TAF4B: variants seen among roughly 807,000 people sequenced by gnomAD.
The protein encoded by TAF4B is TATA-box binding protein associated factor 4b, also known as transcription initiation factor TFIID subunit 4B.
TAF4B carries 38 observed loss-of-function variants against 86.4 expected under a neutral mutation model. The observed-to-expected ratio is 0.44, with a 90% CI of 0.34 to 0.58. The LOEUF is 0.58. TAF4B is among the 20% of genes least tolerant of loss of function. TAF4B has a pLI of 0.02. For missense variants in TAF4B, 988 were observed against 1,027.6 expected, an observed-to-expected ratio of 0.96 and a Z score of 0.53; for synonymous variants, 388 against 391.2, an observed-to-expected ratio of 0.99 and a Z score of 0.10.
intron 7 of TAF4B, among the ~76,000 whole-genome samples, chr18:26,287,598 G>A (rs1452917191): frequency 1.3e-5 from 2 of 152,180 alleles, no homozygotes; most frequent in African/African-American, 4.8e-5. Flanking sequence ...AAATCATAAC[G>A]TTTTTAGTAA....
intron 5 of TAF4B, among the ~76,000 whole-genome samples, chr18:26,279,621 A>G (rs547915956): frequency 2.0e-5 from 3 of 152,132 alleles, no homozygotes; most frequent in Non-Finnish European, 4.4e-5. Context: ...CTGTAAGGCT[A>G]CAGTGATCCA....
In TAF4B at chr18:26,353,678, AT is replaced by A. The variant is rs201057232; in HGVS notation, c.2317-4010del. 2.0e-3 allele frequency among the ~76,000 whole-genome samples: 309 copies of A among 152,384 alleles called. 1 individual carries two copies. Among genetic ancestry groups the A allele is most frequent in the African/African-American group, 7.2e-3 (300 of 41,596 alleles). On this transcript the variant is annotated intron_variant, in intron 13 of 14. Coordinates refer to ENST00000269142, the MANE Select transcript of TAF4B (RefSeq NM_005640.3). The stretch of plus-strand genomic sequence containing the variant: ...GGTGACTGAATGCTTTCTTCCAATG[AT>A]TAGGAAAAAGGCAAAGAAACTTGCT...
chr18:26,315,932 G>A (rs1036174853), intron 10 of TAF4B, among the ~76,000 whole-genome samples: 1 of 152,168 alleles, frequency 6.6e-6, no homozygotes, highest in Non-Finnish European at 1.5e-5. Flanking sequence ...GCCAGACACG[G>A]TGTCTCATGC....
At chr18:26,289,799 C>T (rs2056570279) in intron 7 of TAF4B, among the ~76,000 whole-genome samples, 1 of 152,140 alleles carries the variant, frequency 6.6e-6, no homozygotes, top group Admixed American at 6.5e-5. Context: ...TACATTATCA[C>T]TCATTTTGTT....
chr18:26,378,594 G>A (rs2057458237), intron 14 of TAF4B, among the ~76,000 whole-genome samples: 1 of 152,118 alleles, frequency 6.6e-6, no homozygotes, highest in Middle Eastern at 3.2e-3. Context: ...TTGCTTTTCA[G>A]ATTGAGGTAT....
At position 26,226,825 on chromosome 18, in the gene TAF4B, C is replaced by A; in HGVS notation, c.-109C>A. 1.1e-6 allele frequency: 1 copy of A among 899,294 alleles called. No individual in the cohort carries two copies. The highest frequency in any genetic ancestry group is 1.5e-6 in the Non-Finnish European group (1 of 661,904). The allele number at this position is 899,294 out of a possible 1,614,324, so 55.7% of individuals were successfully genotyped here. On this transcript the variant is annotated 5_prime_UTR_variant, in exon 1 of 15. Transcript: ENST00000269142. ...CTGCGGCCCCCGCGCCTCTCCCCAG[C>A]GATGCTGTGGAACCCGAACCGCACC...
At chr18:26,264,540 T>C (rs756380378) in intron 1 of TAF4B, among the ~76,000 whole-genome samples, 1 of 152,238 alleles carries the variant, frequency 6.6e-6, no homozygotes, top group Admixed American at 6.5e-5. Flanking sequence ...ATCTGGCATG[T>C]GGCATTGTTA....
chr18:26,227,459 GA>G (rs1397153954), intron 1 of TAF4B, among the ~76,000 whole-genome samples, 183 bp downstream of exon 1: 1 of 152,302 alleles, frequency 6.6e-6, no homozygotes, highest in East Asian at 1.9e-4. Context: ...TTTAAGGAAA[GA>G]ATCTTTTCAC....
At chr18:26,251,526 A>G (rs1300980751) in intron 1 of TAF4B, among the ~76,000 whole-genome samples, 2 of 152,172 alleles carry the variant, frequency 1.3e-5, no homozygotes, top group Admixed American at 6.5e-5. Context: ...TAAATCATGT[A>G]CCAAGTAGAG....
intron 5 of TAF4B, among the ~76,000 whole-genome samples, chr18:26,275,391 A>G (rs988706553): frequency 1.3e-5 from 2 of 152,122 alleles, no homozygotes; most frequent in Admixed American, 6.5e-5. Context: ...CCTGGCCTCA[A>G]GTGATGCACT....
intron 13 of TAF4B, among the ~76,000 whole-genome samples, chr18:26,345,195 G>C (rs1244957089): frequency 6.6e-6 from 1 of 152,138 alleles, no homozygotes; most frequent in African/African-American, 2.4e-5. Context: ...CCCACAATCA[G>C]GGTCTGAAAA....
At chr18:26,301,299 T>C (rs575390515) in intron 9 of TAF4B, among the ~76,000 whole-genome samples, 46 of 152,014 alleles carry the variant, frequency 3.0e-4, no homozygotes, top group African/African-American at 1.1e-3. Flanking sequence ...GTTGTTTTTT[T>C]TTTTTTTGAG....
At chr18:26,256,728 A>G (rs2056090170) in intron 1 of TAF4B, among the ~76,000 whole-genome samples, 1 of 151,736 alleles carries the variant, frequency 6.6e-6, no homozygotes, top group Non-Finnish European at 1.5e-5. Context: ...TTCATCTCAA[A>G]AGTATTTTCT....
intron 7 of TAF4B, among the ~76,000 whole-genome samples, chr18:26,291,334 C>T (rs1208900569): frequency 6.6e-6 from 1 of 151,884 alleles, no homozygotes; most frequent in Non-Finnish European, 1.5e-5. Context: ...AATCTCAGCT[C>T]ACTGCAGCCT....
chr18:26,372,661 G>T (rs2057414024), intron 14 of TAF4B, among the ~76,000 whole-genome samples: 2 of 152,020 alleles, frequency 1.3e-5, no homozygotes, highest in South Asian at 4.2e-4. Flanking sequence ...CATGCTGATT[G>T]ACCTGGTGAT....
At chr18:26,285,222 G>GTTTTTGTT in intron 6 of TAF4B, among the ~76,000 whole-genome samples, 1 of 45,690 alleles carries the variant, frequency 2.2e-5, no homozygotes, top group Non-Finnish European at 4.5e-5. Context: ...TTTTTTTTTT[G>GTTTTTGTT]TTTTTTTTTT....
intron 14 of TAF4B, among the ~76,000 whole-genome samples, chr18:26,363,934 T>C (rs1009130981): frequency 3.9e-5 from 6 of 152,204 alleles, no homozygotes; most frequent in African/African-American, 1.4e-4. Flanking sequence ...GAAGATTGAA[T>C]AGAATGATGG....
intron 10 of TAF4B, among the ~76,000 whole-genome samples, chr18:26,316,662 G>A (rs1174745683): frequency 6.6e-6 from 1 of 152,194 alleles, no homozygotes; most frequent in Non-Finnish European, 1.5e-5. Context: ...TGGGATTACA[G>A]GCGTGAGCCA....
intron 5 of TAF4B, 70 bp from the exon 6 acceptor site, chr18:26,281,901 G>A: frequency 8.4e-7 from 1 of 1,184,166 alleles, no homozygotes. Context: ...CTACAATCAT[G>A]AATTATATAC....
Sources: gnomAD v4.1 joint callset for allele counts (sites outside exome capture counted in the v4.1 genomes callset) on GRCh38, gnomAD v4.1.1 for gene constraint, MANE v1.5 for transcripts, NCBI Gene and HGNC (gene_info 2026-07-23, HGNC 2026-07-21) for gene names.